Variants in LGR5 observed in about 807,000 individuals in gnomAD.
LGR5 encodes leucine-rich repeat-containing G protein-coupled receptor 5.
LGR5 carries 54 observed loss-of-function variants against 76.7 expected under a neutral mutation model. The observed-to-expected ratio is 0.70, with a 90% confidence interval of 0.57 to 0.88. The LOEUF is 0.88. Among genes scored for constraint, LGR5 ranks in the 40% least tolerant of loss-of-function variants. The pLI is 0.00. For synonymous variants in LGR5, 406 were observed against 421.9 expected (o/e 0.96, Z 0.46); for missense variants, 1,078 against 1,073.3 (o/e 1.00, Z -0.06).
chr12:71,467,281 G>A (rs1872905139), intron 1 of LGR5, among the ~76,000 whole-genome samples: 1 of 152,192 alleles, frequency 6.6e-6, no homozygotes, highest in Admixed American at 6.5e-5. Context: ...GCTTCCAGAA[G>A]GCTGGAGTTT....
chr12:71,584,772 C>G lies in LGR5; in HGVS notation c.*38C>G. ...GGAAAATGTTTTCAAAGGTTGAGAA[C>G]CTGAAAATGTGAGATTGAGTATATC... On this transcript the variant is annotated 3_prime_UTR_variant, in exon 18 of 18. Coordinates refer to ENST00000266674, the MANE Select transcript of LGR5 (RefSeq NM_003667.4). The G allele has an allele frequency of 6.3e-7, 1 of 1,577,858 alleles. No homozygotes were observed. Among genetic ancestry groups the G allele is most frequent in the Non-Finnish European group, 8.6e-7 (1 of 1,157,816 alleles).
intron 2 of LGR5, among the ~76,000 whole-genome samples, chr12:71,512,959 C>T (rs940047532): frequency 6.6e-6 from 1 of 152,150 alleles, no homozygotes; most frequent in South Asian, 2.1e-4. Context: ...GAGAGAGAAA[C>T]TTGAGAGAGG....
At chr12:71,582,228 C>T (rs576600288) in intron 16 of LGR5, 76 of 455,446 alleles carry the variant, frequency 1.7e-4, no homozygotes, top group African/African-American at 1.2e-3. Flanking sequence ...ATGTTACACC[C>T]GGCGTCTTGG....
chr12:71,571,034 T>C (rs1410301733), intron 11 of LGR5, among the ~76,000 whole-genome samples: 7 of 152,228 alleles, frequency 4.6e-5, no homozygotes, highest in African/African-American at 1.7e-4. Context: ...CTGAAGATTT[T>C]CTTAGATTCC....
At chr12:71,463,300 A>T (rs902977786) in intron 1 of LGR5, among the ~76,000 whole-genome samples, 1 of 152,204 alleles carries the variant, frequency 6.6e-6, no homozygotes, top group Non-Finnish European at 1.5e-5. Context: ...TGTGCAGTGC[A>T]CAGCTCCACA....
Position 71,572,790 on chromosome 12 carries a change from A to G in LGR5, c.1137-60A>G. ...TAGTCCCTCTATAAAAGTTATCTGAAGTCTGTAGTCTTTGAAACCAGTAAC... is the reference window on the plus strand; with the variant it reads ...TAGTCCCTCTATAAAAGTTATCTGAGGTCTGTAGTCTTTGAAACCAGTAAC... On this transcript the variant is annotated intron_variant, in intron 12 of 17. Transcript: ENST00000266674. 3 of 1,284,310 alleles carry G rather than the reference A, an allele frequency of 2.3e-6. No individual in the cohort carries two copies. In the South Asian group the frequency reaches 3.6e-5, roughly 16 times the overall value. 79.6% of individuals were successfully genotyped at this position (1,284,310 alleles called of 1,614,324 possible).
chr12:71,581,503 TA>T (rs1485794168), intron 16 of LGR5, among the ~76,000 whole-genome samples: 1 of 152,256 alleles, frequency 6.6e-6, no homozygotes, highest in Non-Finnish European at 1.5e-5. Context: ...CCAAAGCAAG[TA>T]TGATTCAGTC....
chr12:71,525,702 T>C (rs185855552), intron 3 of LGR5, among the ~76,000 whole-genome samples: 1 of 151,902 alleles, frequency 6.6e-6, no homozygotes, highest in Admixed American at 6.6e-5. Flanking sequence ...ACAAAGTGTA[T>C]ATTGGATATA....
At chr12:71,542,393 T>G (rs1331972093) in intron 4 of LGR5, among the ~76,000 whole-genome samples, 2 of 152,064 alleles carry the variant, frequency 1.3e-5, no homozygotes, top group African/African-American at 4.8e-5. Flanking sequence ...GTGAGGCAGG[T>G]GGAGGCCAGA....
At position 71,553,161 on chromosome 12, in the gene LGR5, G is replaced by A; in HGVS notation, c.517G>A (p.Ala173Thr). 2 of 1,614,070 alleles carry A rather than the reference G, an allele frequency of 1.2e-6. No individual in the cohort carries two copies. The highest frequency in any genetic ancestry group is 1.7e-6 in the Non-Finnish European group (2 of 1,180,014). The stretch of plus-strand genomic sequence containing the variant: ...GAGGCACCTGTGGCTGGATGACAAT[G>A]CGTTAACAGAAATCCCCGTCCAGGC... The part of the protein sequence containing the change: ...SLRHLWLDDN[A>T]LTEIPVQAFR... Residue 173 changes from alanine (A) to threonine (T), a missense_variant, in exon 5 of 18, where the codon GCG becomes ACG. Transcript: ENST00000266674.
At chr12:71,557,679 CAGGG>C in intron 6 of LGR5, among the ~76,000 whole-genome samples, 1 of 152,282 alleles carries the variant, frequency 6.6e-6, no homozygotes, top group African/African-American at 2.4e-5. Context: ...AGGCTTTTCC[CAGGG>C]GAGGAGCTGC....
Position 71,553,119 on chromosome 12 carries a change from AG to A in LGR5, c.476del (p.Ser159MetfsTer6). 1 of 1,613,986 alleles carries A rather than the reference AG, an allele frequency of 6.2e-7. No homozygotes were observed. The highest frequency in any genetic ancestry group is 8.5e-7 in the Non-Finnish European group (1 of 1,179,988). The stretch of plus-strand genomic sequence containing the variant: ...CAGCTATGTGCCCCCAAGCTGTTTC[AG>A]TGGCCTGCATTCCCTGAGGCACCTG... ...HISYVPPSCF[S>X]GLHSLRHLWL... On this transcript the variant is annotated frameshift_variant, in exon 5 of 18. Coordinates refer to ENST00000266674, the MANE Select transcript of LGR5 (RefSeq NM_003667.4). LOFTEE classifies it high-confidence loss of function.
chr12:71,565,000 C>T (rs1348240988), intron 8 of LGR5, among the ~76,000 whole-genome samples: 1 of 124,116 alleles, frequency 8.1e-6, no homozygotes, highest in East Asian at 2.4e-4. Context: ...TATATACGTA[C>T]ATGTATGTGA....
intron 3 of LGR5, among the ~76,000 whole-genome samples, chr12:71,531,966 AC>A (rs1876339270): frequency 6.6e-6 from 1 of 151,984 alleles, no homozygotes; most frequent in Non-Finnish European, 1.5e-5. Context: ...CTATTCAATG[AC>A]AAAAAGCTAT....
rs772428154 is a variant in LGR5, at chr12:71,535,101, C to A, written c.357-14C>A. The A allele has an allele frequency of 3.2e-6, 5 of 1,586,014 alleles. No homozygotes were observed. The highest frequency in any genetic ancestry group is 4.3e-6 in the Non-Finnish European group (5 of 1,158,340). The stretch of plus-strand genomic sequence containing the variant: ...TTTTTTTTAACATTTTTCTTTATTT[C>A]TTTTAACATACAGTATGCTGCAGAA... On this transcript the variant is annotated splice_polypyrimidine_tract_variant and intron_variant, in intron 3 of 17. Coordinates refer to ENST00000266674, the MANE Select transcript of LGR5 (RefSeq NM_003667.4).
intron 1 of LGR5, among the ~76,000 whole-genome samples, chr12:71,473,509 C>T (rs1487817757): frequency 6.6e-6 from 1 of 152,032 alleles, no homozygotes; most frequent in East Asian, 1.9e-4. Context: ...CATAATGGCT[C>T]ATGCCTCTAA....
intron 3 of LGR5, among the ~76,000 whole-genome samples, chr12:71,527,616 G>T (rs1263123047): frequency 6.6e-6 from 1 of 152,124 alleles, no homozygotes; most frequent in African/African-American, 2.4e-5. Flanking sequence ...GCAAACTTTT[G>T]AGGAAATTCA....
chr12:71,570,741 A>C (rs1023691799), intron 11 of LGR5, among the ~76,000 whole-genome samples: 2 of 152,192 alleles, frequency 1.3e-5, no homozygotes, highest in African/African-American at 4.8e-5. Context: ...GTGATCAATT[A>C]TAAGACTAAT....
At chr12:71,518,814 A>T (rs1875574683) in intron 2 of LGR5, among the ~76,000 whole-genome samples, 1 of 152,104 alleles carries the variant, frequency 6.6e-6, no homozygotes. Context: ...CATAGAGAAA[A>T]ACAACACACA....
Sources: allele counts gnomAD v4.1 joint callset (sites outside exome capture counted in the v4.1 genomes callset), GRCh38; gene constraint gnomAD v4.1.1; transcripts MANE v1.5; gene names NCBI Gene and HGNC (gene_info 2026-07-23, HGNC 2026-07-21).